PLD5: variants seen among roughly 807,000 people sequenced by gnomAD.
PLD5 encodes the protein inactive phospholipase D5.
In PLD5, 36 loss-of-function variants were observed where a neutral mutation model predicts 61.1. The ratio of observed to expected loss-of-function variants is 0.59; its 90% CI spans 0.45 to 0.78. PLD5 has a LOEUF of 0.78. Among genes scored for constraint, PLD5 ranks in the 30% least tolerant of loss-of-function variants. PLD5 has a pLI of 0.00. For synonymous variants in PLD5, 243 were observed against 242.8 expected (o/e 1.00, Z -0.01); for missense variants, 515 against 644.4 (o/e 0.80, Z 2.17).
chr1:242,439,720 G>A (rs183336205), intron 1 of PLD5, among the ~76,000 whole-genome samples: 1 of 152,294 alleles, frequency 6.6e-6, no homozygotes, highest in African/African-American at 2.4e-5. Flanking sequence ...GAATGCATTT[G>A]TCTCATCTTC....
chr1:242,338,165 A>C (rs3863750), intron 2 of PLD5, among the ~76,000 whole-genome samples: 129,743 of 151,980 alleles, frequency 0.85, 56,359 homozygotes, highest in Non-Finnish European at 0.94. Flanking sequence ...GGAAGTTCTG[A>C]TTAGGAAAAT....
chr1:242,465,823 G>A (rs531725847), intron 1 of PLD5, among the ~76,000 whole-genome samples: 2 of 152,294 alleles, frequency 1.3e-5, no homozygotes, highest in South Asian at 2.1e-4. Flanking sequence ...CCAGCTACTC[G>A]GGAGGCTGAG....
At chr1:242,409,227 T>A (rs1664412730) in intron 1 of PLD5, among the ~76,000 whole-genome samples, 2 of 152,266 alleles carry the variant, frequency 1.3e-5, no homozygotes, top group Admixed American at 1.3e-4. Context: ...CTTCATCTTT[T>A]AAAATTTATC....
chr1:242,362,013 A>G (rs1185596902), intron 1 of PLD5, among the ~76,000 whole-genome samples: 2 of 152,076 alleles, frequency 1.3e-5, no homozygotes, highest in East Asian at 3.9e-4. Flanking sequence ...AGAGGAAAAA[A>G]ATGGAATTTA....
intron 1 of PLD5, among the ~76,000 whole-genome samples, chr1:242,475,969 C>T (rs1231126056): frequency 1.3e-5 from 2 of 152,142 alleles, no homozygotes; most frequent in Non-Finnish European, 2.9e-5. Context: ...GGACTCCCAG[C>T]CTCCAGAACT....
rs1553337783 is a variant in PLD5, at chr1:242,259,307, C to CTCTCTCTCTCTCT, written c.607+6029_607+6030insAGAGAGAGAGAGA. Among the ~76,000 whole-genome samples the CTCTCTCTCTCTCT allele has an allele frequency of 2.7e-3, 397 of 145,830 alleles. 7 individuals are homozygous for CTCTCTCTCTCTCT. In the East Asian group the frequency reaches 0.035, roughly 13 times the overall value. ...CTGGGTGATGGAGCAAGACATCACC[C>CTCTCTCTCTCTCT]CTCTCTCTCTCTCTCTCTCAAAAAA... On this transcript the variant is annotated intron_variant, in intron 4 of 9. Transcript: ENST00000536534.
chr1:242,271,064 T>C (rs939095395), intron 3 of PLD5, among the ~76,000 whole-genome samples: 15 of 152,054 alleles, frequency 9.9e-5, no homozygotes, highest in Admixed American at 2.0e-4. Context: ...TAATACTCGA[T>C]GATTTTAGAA....
chr1:242,512,665 C>A (rs1446452816), intron 1 of PLD5, among the ~76,000 whole-genome samples: 5 of 152,144 alleles, frequency 3.3e-5, no homozygotes, highest in Non-Finnish European at 7.4e-5. Flanking sequence ...CTACCATAAA[C>A]AATAACACTG....
At chr1:242,268,071 G>A (rs1673807964) in intron 3 of PLD5, among the ~76,000 whole-genome samples, 1 of 152,082 alleles carries the variant, frequency 6.6e-6, no homozygotes, top group Admixed American at 6.5e-5. Flanking sequence ...CTCAGGTACA[G>A]GATGTGAGGG....
At chr1:242,382,694 G>C (rs1225800824) in intron 1 of PLD5, among the ~76,000 whole-genome samples, 9 of 152,058 alleles carry the variant, frequency 5.9e-5, no homozygotes, top group Non-Finnish European at 1.3e-4. Context: ...GCAACGGTAG[G>C]GAGAACTAAT....
chr1:242,309,200 C>T (rs1676550658), intron 2 of PLD5, among the ~76,000 whole-genome samples: 1 of 152,090 alleles, frequency 6.6e-6, no homozygotes, highest in South Asian at 2.1e-4. Context: ...GTCATGGCTT[C>T]TTAGTTTCTG....
chr1:242,220,758 A>T lies in PLD5; in HGVS notation c.608-643T>A, dbSNP rs556811515. On this transcript the variant is annotated intron_variant, in intron 4 of 9. Coordinates refer to ENST00000536534, the MANE Select transcript of PLD5 (RefSeq NM_001372062.1). ...TATTTTATTTTATTTTATTTTTGAG[A>T]CAGAGTCTCACTCTGTTGTCCAGGC... Among the ~76,000 whole-genome samples, 6 of 81,270 alleles carry T rather than the reference A, an allele frequency of 7.4e-5. No homozygotes were observed. In the South Asian group the frequency reaches 2.6e-3, roughly 36 times the overall value. 53.3% of individuals were successfully genotyped at this position (81,270 alleles called of 152,430 possible).
At chr1:242,433,451 C>G (rs185370881) in intron 1 of PLD5, among the ~76,000 whole-genome samples, 6 of 152,168 alleles carry the variant, frequency 3.9e-5, no homozygotes, top group Non-Finnish European at 4.4e-5. Context: ...TATGCAAATA[C>G]AGCAATCTAA....
intron 1 of PLD5, among the ~76,000 whole-genome samples, chr1:242,350,611 C>G (rs1327270756): frequency 1.3e-5 from 2 of 152,112 alleles, no homozygotes; most frequent in Non-Finnish European, 2.9e-5. Context: ...CGAGAGGTAT[C>G]CTTAAATGAC....
chr1:242,332,008 G>GT (rs1238086014), intron 2 of PLD5, among the ~76,000 whole-genome samples: 3 of 152,096 alleles, frequency 2.0e-5, no homozygotes, highest in Non-Finnish European at 4.4e-5. Context: ...TCTACACTAG[G>GT]TATTTCTCCT....
At chr1:242,527,114 C>T (rs891138984), upstream of PLD5, among the ~76,000 whole-genome samples, 1 of 71,944 alleles carries the variant, frequency 1.4e-5, no homozygotes, top group Non-Finnish European at 2.6e-5. Context: ...CTATCTCCTT[C>T]TTTTTTTTTT....
At position 242,436,099 on chromosome 1, in the gene PLD5, C is replaced by T. The variant is rs534101200; in HGVS notation, c.190-87857G>A. 1.3e-5 allele frequency among the ~76,000 whole-genome samples: 2 copies of T among 152,192 alleles called. 1 individual carries two copies. The highest frequency in any genetic ancestry group is 4.1e-4 in the South Asian group (2 of 4,820). On this transcript the variant is annotated intron_variant, in intron 1 of 9. Transcript: ENST00000536534. ...CAAATCCCCAGTGCAAATGAAACCCCACCCCCTCTTTCTGTTCACGGTAGT... is the reference window on the plus strand; with the variant it reads ...CAAATCCCCAGTGCAAATGAAACCCTACCCCCTCTTTCTGTTCACGGTAGT...
chr1:242,241,899 ATATATATATATACT>A (rs1230103448), intron 4 of PLD5, among the ~76,000 whole-genome samples: 11 of 44,332 alleles, frequency 2.5e-4, no homozygotes, highest in African/African-American at 3.7e-4. Context: ...ATATATATAT[ATATATATATATACT>A]TACTGTATAT....
chr1:242,405,749 C>T (rs1389433200), intron 1 of PLD5, among the ~76,000 whole-genome samples: 1 of 151,844 alleles, frequency 6.6e-6, no homozygotes, highest in East Asian at 1.9e-4. Context: ...TTAGAGGCAC[C>T]CACTACCACA....
Sources: gnomAD v4.1 joint callset for allele counts (sites outside exome capture counted in the v4.1 genomes callset) on GRCh38, gnomAD v4.1.1 for gene constraint, MANE v1.5 for transcripts, NCBI Gene and HGNC (gene_info 2026-07-23, HGNC 2026-07-21) for gene names.